The following GRIK3 variants were observed in gnomAD, a reference collection of about 807,000 sequenced individuals.
The protein encoded by GRIK3 is glutamate receptor ionotropic, kainate 3.
A neutral mutation model predicts 102.5 loss-of-function variants in GRIK3; 29 were observed. The observed-to-expected ratio is 0.28, with a 90% confidence interval of 0.21 to 0.39. The LOEUF (loss-of-function observed/expected upper bound fraction) is 0.39, where lower values mean the gene tolerates loss of function less well. GRIK3 is among the 10% of genes least tolerant of loss of function. The probability of loss-of-function intolerance (pLI) is 1.00; values close to 1 mark genes in which losing one functional copy is unlikely to be tolerated. For synonymous variants in GRIK3, 511 were observed against 504.9 expected, an observed-to-expected ratio of 1.01 and a Z score of -0.16; for missense variants, 908 against 1,252.4, an observed-to-expected ratio of 0.73 and a Z score of 4.15.
intron 1 of GRIK3, among the ~76,000 whole-genome samples, chr1:36,896,677 T>G (rs969725168): frequency 2.0e-4 from 30 of 152,180 alleles, no homozygotes; most frequent in Admixed American, 6.5e-5. Context: ...ATTCTCATTT[T>G]AAACATCAAA....
At position 36,930,680 on chromosome 1, in the gene GRIK3, C is replaced by T. The variant is rs146006615; in HGVS notation, c.116-39584G>A. Among the ~76,000 whole-genome samples the T allele has an allele frequency of 2.6e-3, 389 of 152,278 alleles. 2 individuals carry two copies. The highest frequency in any genetic ancestry group is 8.9e-3 in the African/African-American group (370 of 41,562). On this transcript the variant is annotated intron_variant, in intron 1 of 15. Transcript: ENST00000373091. ...ACCACAATGGGCCAAGGTAGGTGGA[C>T]ACCAGGCCAGGGATGGTGTGAGTGG...
chr1:36,881,092 A>C lies in GRIK3; in HGVS notation c.293-201T>G, dbSNP rs114831899. On this transcript the variant is annotated intron_variant, in intron 2 of 15. Coordinates refer to ENST00000373091, the MANE Select transcript of GRIK3 (RefSeq NM_000831.4). The stretch of plus-strand genomic sequence containing the variant: ...AGTCCCTGCCTTGCAAGACCACATG[A>C]AGGTGGAAAGACATGGTTGTGGGAG... 5.3e-3 allele frequency among the ~76,000 whole-genome samples: 805 copies of C among 152,220 alleles called. 10 individuals carry two copies. The highest frequency in any genetic ancestry group is 0.017 in the Middle Eastern group (5 of 294).
intron 1 of GRIK3, among the ~76,000 whole-genome samples, chr1:36,895,053 G>C (rs1641158252): frequency 6.6e-6 from 1 of 152,140 alleles, no homozygotes; most frequent in Non-Finnish European, 1.5e-5. Flanking sequence ...TGCGGGGGAG[G>C]TGGGGGAGAA....
At chr1:36,905,117 T>C (rs1350312230) in intron 1 of GRIK3, among the ~76,000 whole-genome samples, 2 of 151,838 alleles carry the variant, frequency 1.3e-5, no homozygotes, top group Admixed American at 1.3e-4. Flanking sequence ...CAAGGAATTA[T>C]AGGGGAAAAA....
At chr1:37,004,053 C>T (rs528022364) in intron 1 of GRIK3, among the ~76,000 whole-genome samples, 184 of 152,238 alleles carry the variant, frequency 1.2e-3, no homozygotes, top group Middle Eastern at 3.4e-3. Context: ...GCCTTGGCAC[C>T]CCTCTTAGAC....
chr1:36,835,886 C>T (rs1031529089), intron 10 of GRIK3, among the ~76,000 whole-genome samples: 5 of 152,118 alleles, frequency 3.3e-5, no homozygotes, highest in African/African-American at 1.2e-4. Flanking sequence ...CAGTGACTCT[C>T]GATGGGGCCC....
intron 5 of GRIK3, among the ~76,000 whole-genome samples, chr1:36,868,294 C>G (rs1401613022): frequency 1.3e-5 from 2 of 152,218 alleles, no homozygotes; most frequent in Non-Finnish European, 2.9e-5. Context: ...CAGGAAGAAG[C>G]CAGCTTAGGT....
At position 36,999,380 on chromosome 1, in the gene GRIK3, C is replaced by G. The variant is rs140380771; in HGVS notation, c.115+34614G>C. 1.4e-4 allele frequency among the ~76,000 whole-genome samples: 22 copies of G among 152,142 alleles called. No homozygotes were observed. The East Asian group carries it at 4.3e-3, about 29-fold the overall frequency. On this transcript the variant is annotated intron_variant, in intron 1 of 15. Coordinates refer to ENST00000373091, the MANE Select transcript of GRIK3 (RefSeq NM_000831.4). ...AAGAAGTGAACTGCAAGTCGGGAGC[C>G]GGGTTGGGGAGCCAGGTGAGCACCA...
At chr1:36,957,428 CCTCTGTGCTCTGTG>C in intron 1 of GRIK3, among the ~76,000 whole-genome samples, 1 of 23,564 alleles carries the variant, frequency 4.2e-5, no homozygotes, top group East Asian at 1.2e-3. Context: ...GCCCCATGAG[CCTCTGTGCTCTGTG>C]AGTCTGTGCC....
chr1:36,898,114 C>T (rs1570786636), intron 1 of GRIK3, among the ~76,000 whole-genome samples: 1 of 151,900 alleles, frequency 6.6e-6, no homozygotes, highest in East Asian at 1.9e-4. Context: ...AGGATGGTAA[C>T]CAGAGGCTGG....
chr1:36,966,653 G>T (rs550498547), intron 1 of GRIK3, among the ~76,000 whole-genome samples: 2 of 152,044 alleles, frequency 1.3e-5, no homozygotes, highest in South Asian at 4.2e-4. Flanking sequence ...ACGAAGCCGG[G>T]TGTCTCTGGA....
At chr1:37,012,436 G>T (rs569520189) in intron 1 of GRIK3, among the ~76,000 whole-genome samples, 1 of 152,278 alleles carries the variant, frequency 6.6e-6, no homozygotes, top group Non-Finnish European at 1.5e-5. Flanking sequence ...CAGATGTTTT[G>T]TCTACCTGGC....
At chr1:36,827,545 G>C (rs907586166) in intron 10 of GRIK3, among the ~76,000 whole-genome samples, 13 of 152,168 alleles carry the variant, frequency 8.5e-5, no homozygotes, top group African/African-American at 3.1e-4. Context: ...AACTCCAACA[G>C]ACACCAGGGA....
intron 1 of GRIK3, among the ~76,000 whole-genome samples, chr1:37,017,428 TTAAAA>T (rs1426498919): frequency 1.3e-5 from 2 of 151,132 alleles, no homozygotes; most frequent in Non-Finnish European, 1.5e-5. Flanking sequence ...GCTGTTTTCT[TTAAAA>T]AGATTTCTAA....
chr1:36,872,161 C>T lies in GRIK3; in HGVS notation c.732+27G>A, dbSNP rs774158290. 3.0e-5 allele frequency: 46 copies of T among 1,539,154 alleles called. No individual in the cohort carries two copies. The highest frequency in any genetic ancestry group is 1.5e-4 in the Admixed American group (8 of 52,314). On this transcript the variant is annotated intron_variant, in intron 4 of 15. Coordinates refer to ENST00000373091, the MANE Select transcript of GRIK3 (RefSeq NM_000831.4). The surrounding 1 kb of genome is among the most constrained non-coding windows in gnomAD (Gnocchi z 5.9). ...GAAGTGGCCAGCAGACCCCAGTCAT[C>T]TGTCCCGGTGGCCAGCACTCACGCA...
chr1:37,029,677 T>C (rs1276478377), intron 1 of GRIK3, among the ~76,000 whole-genome samples: 3 of 152,168 alleles, frequency 2.0e-5, no homozygotes, highest in African/African-American at 7.2e-5. Context: ...TCCTCCCCCA[T>C]GGAGGGGACT....
chr1:37,010,727 CTTTTTTT>C (rs60750637), intron 1 of GRIK3, among the ~76,000 whole-genome samples: 36 of 102,522 alleles, frequency 3.5e-4, no homozygotes, highest in Non-Finnish European at 4.8e-4. Flanking sequence ...ACCTGTACCA[CTTTTTTT>C]TTTTTTTTTT....
intron 10 of GRIK3, among the ~76,000 whole-genome samples, chr1:36,831,040 C>G (rs1172186745): frequency 6.6e-6 from 1 of 152,170 alleles, no homozygotes; most frequent in African/African-American, 2.4e-5. Flanking sequence ...ACCTCCAGCA[C>G]TGGCAGTTCA....
chr1:36,967,088 T>C (rs924870098), intron 1 of GRIK3, among the ~76,000 whole-genome samples: 1 of 152,230 alleles, frequency 6.6e-6, no homozygotes, highest in African/African-American at 2.4e-5. Context: ...TCTCACACAG[T>C]TAGCAAAAGG....
Sources: gnomAD v4.1 joint callset for allele counts (sites outside exome capture counted in the v4.1 genomes callset) on GRCh38, gnomAD v4.1.1 for gene constraint, Gnocchi (gnomAD v3.1) non-coding constraint, MANE v1.5 for transcripts, NCBI Gene and HGNC (gene_info 2026-07-23, HGNC 2026-07-21) for gene names.